SUPT3H: variants seen among roughly 807,000 people sequenced by gnomAD.
SUPT3H encodes the protein transcription initiation protein SPT3 homolog.
Under a neutral mutation model 44.3 loss-of-function variants are expected in SUPT3H, and 44 were observed. The ratio of observed to expected loss-of-function variants is 0.99; its 90% CI spans 0.78 to 1.28. The LOEUF (loss-of-function observed/expected upper bound fraction) is 1.28. Among genes scored for constraint, SUPT3H ranks in the 50% most tolerant of loss-of-function variants. The pLI is 0.00. For missense variants in SUPT3H, 380 were observed against 387.1 expected, an observed-to-expected ratio of 0.98 and a Z score of 0.15; for synonymous variants, 124 against 125.6, an observed-to-expected ratio of 0.99 and a Z score of 0.09.
At chr6:45,092,272 T>C (rs1024759377) in intron 3 of SUPT3H, among the ~76,000 whole-genome samples, 1 of 152,126 alleles carries the variant, frequency 6.6e-6, no homozygotes, top group African/African-American at 2.4e-5. Context: ...CTGAGCATGA[T>C]TTTTACAGTA....
At chr6:44,877,832 T>C (rs917465234) in intron 10 of SUPT3H, among the ~76,000 whole-genome samples, 2 of 152,228 alleles carry the variant, frequency 1.3e-5, no homozygotes, top group East Asian at 1.9e-4. Context: ...TTTAGATGAA[T>C]TGTCGGTGTT....
chr6:45,026,348 G>A (rs950302970), intron 3 of SUPT3H, among the ~76,000 whole-genome samples: 1 of 152,122 alleles, frequency 6.6e-6, no homozygotes, highest in Non-Finnish European at 1.5e-5. Context: ...CACAACCTTA[G>A]ATACATCAAA....
intron 2 of SUPT3H, among the ~76,000 whole-genome samples, chr6:45,292,432 G>C (rs1399229408): frequency 6.6e-6 from 1 of 151,922 alleles, no homozygotes; most frequent in Non-Finnish European, 1.5e-5. Flanking sequence ...AAAATCTAAT[G>C]TATACAGGCA....
chr6:44,866,538 A>C (rs951303002), intron 10 of SUPT3H, among the ~76,000 whole-genome samples: 4 of 144,944 alleles, frequency 2.8e-5, no homozygotes, highest in South Asian at 2.2e-4. Context: ...AAAAAAAAAA[A>C]CATAAAGCTT....
intron 5 of SUPT3H, among the ~76,000 whole-genome samples, chr6:45,014,231 T>A (rs1783911251): frequency 6.6e-6 from 1 of 152,056 alleles, no homozygotes; most frequent in African/African-American, 2.4e-5. Context: ...GGGGAAGATT[T>A]GAAATGAATG....
At chr6:45,274,410 T>C (rs1004115430) in intron 2 of SUPT3H, among the ~76,000 whole-genome samples, 2 of 152,216 alleles carry the variant, frequency 1.3e-5, no homozygotes, top group African/African-American at 4.8e-5. Flanking sequence ...GTCATGAACA[T>C]TTACTCCTAT....
intron 2 of SUPT3H, among the ~76,000 whole-genome samples, chr6:45,308,506 G>T (rs1783451268): frequency 6.6e-6 from 1 of 152,124 alleles, no homozygotes; most frequent in Non-Finnish European, 1.5e-5. Context: ...AGCTTCATAA[G>T]TGAAGGAGAA....
At chr6:44,980,007 T>C (rs1042675715) in intron 6 of SUPT3H, among the ~76,000 whole-genome samples, 1 of 152,206 alleles carries the variant, frequency 6.6e-6, no homozygotes, top group Non-Finnish European at 1.5e-5. Context: ...GCTACATATA[T>C]AAGCCAAAAT....
At chr6:44,883,074 T>C (rs1225311184) in intron 10 of SUPT3H, among the ~76,000 whole-genome samples, 3 of 152,110 alleles carry the variant, frequency 2.0e-5, no homozygotes, top group Non-Finnish European at 4.4e-5. Context: ...GGCATTCAAA[T>C]AGGAAAAGAG....
intron 2 of SUPT3H, among the ~76,000 whole-genome samples, chr6:45,331,853 C>T (rs1208092705): frequency 6.6e-6 from 1 of 151,862 alleles, no homozygotes; most frequent in African/African-American, 2.4e-5. Context: ...TTCCAGCTAA[C>T]AACTGATAGT....
At chr6:45,061,656 A>T (rs1792058398) in intron 3 of SUPT3H, among the ~76,000 whole-genome samples, 1 of 152,222 alleles carries the variant, frequency 6.6e-6, no homozygotes, top group Non-Finnish European at 1.5e-5. Context: ...GCTTTTAAAA[A>T]CAATTTCTTA....
chr6:45,222,504 C>T (rs1036230712), intron 2 of SUPT3H, among the ~76,000 whole-genome samples: 1 of 151,972 alleles, frequency 6.6e-6, no homozygotes, highest in African/African-American at 2.4e-5. Flanking sequence ...CACTACAGGA[C>T]CATCAGAATG....
In SUPT3H at chr6:45,017,281, C is replaced by T. The variant is rs1243348652; in HGVS notation, c.274-2390G>A. Among the ~76,000 whole-genome samples the T allele has an allele frequency of 3.9e-3, 581 of 148,938 alleles. 10 individuals carry two copies. The highest frequency in any genetic ancestry group is 0.014 in the African/African-American group (555 of 40,664). ...GATGAGTAGGTTGTGAAAATTTTCT[C>T]CCATTTTGTAGGTTGCCTGTTCACT... On this transcript the variant is annotated intron_variant, in intron 4 of 10. Coordinates refer to ENST00000371459, the MANE Select transcript of SUPT3H (RefSeq NM_003599.4).
At chr6:45,312,026 C>A (rs1480399278) in intron 2 of SUPT3H, among the ~76,000 whole-genome samples, 1 of 152,124 alleles carries the variant, frequency 6.6e-6, no homozygotes, top group African/African-American at 2.4e-5. Flanking sequence ...TTATAACATA[C>A]AGAATTGCAG....
chr6:44,894,583 C>T (rs1433162372), intron 10 of SUPT3H, among the ~76,000 whole-genome samples: 2 of 152,078 alleles, frequency 1.3e-5, no homozygotes, highest in Non-Finnish European at 2.9e-5. Flanking sequence ...TGATGTATAT[C>T]TCTGTTTTGG....
At chr6:45,248,181 G>A (rs1409795095) in intron 2 of SUPT3H, among the ~76,000 whole-genome samples, 1 of 152,058 alleles carries the variant, frequency 6.6e-6, no homozygotes, top group African/African-American at 2.4e-5. Flanking sequence ...ATTTGTTTAT[G>A]TACAGAGTTC....
At chr6:45,019,976 C>G (rs1784880802) in intron 4 of SUPT3H, among the ~76,000 whole-genome samples, 1 of 151,854 alleles carries the variant, frequency 6.6e-6, no homozygotes, top group Non-Finnish European at 1.5e-5. Context: ...CAAAATTAGA[C>G]ACACAAATAT....
chr6:44,851,965 T>A (rs1388498851), intron 10 of SUPT3H, among the ~76,000 whole-genome samples: 1 of 152,178 alleles, frequency 6.6e-6, no homozygotes, highest in African/African-American at 2.4e-5. Context: ...TGACTCCTTA[T>A]TTAAATAAGA....
Position 45,100,329 on chromosome 6 carries a change from C to T in SUPT3H, c.186+5593G>A, listed in dbSNP as rs577001597. On this transcript the variant is annotated intron_variant, in intron 3 of 10. Transcript: ENST00000371459. Reference sequence around the variant, plus strand: ...GAGAAAATGCTTGAATTTCTTCGGACAAGGGATTAATATCCAAGGAACTTA... The same window carrying T: ...GAGAAAATGCTTGAATTTCTTCGGATAAGGGATTAATATCCAAGGAACTTA... 4.6e-5 allele frequency among the ~76,000 whole-genome samples: 7 copies of T among 151,704 alleles called. No homozygotes were observed. In the South Asian group the frequency reaches 1.5e-3, roughly 32 times the overall value.
Sources: allele counts gnomAD v4.1 joint callset (sites outside exome capture counted in the v4.1 genomes callset), GRCh38; gene constraint gnomAD v4.1.1; transcripts MANE v1.5; gene names NCBI Gene and HGNC (gene_info 2026-07-23, HGNC 2026-07-21).